The following CCDC171 variants were observed in gnomAD, a reference collection of about 807,000 sequenced individuals.
The protein encoded by CCDC171 is coiled-coil domain-containing protein 171.
In CCDC171, 177 loss-of-function variants were observed where a neutral mutation model predicts 168.2. That is an observed-to-expected ratio of 1.05 (90% CI 0.93 to 1.19). The LOEUF is 1.19. Ranked by LOEUF, CCDC171 falls within the 50% of genes most tolerant of loss-of-function variation. The probability of loss-of-function intolerance (pLI) is 0.00; values close to 1 mark genes in which losing one functional copy is unlikely to be tolerated. For missense variants in CCDC171, 1,991 were observed against 1,539.0 expected (o/e 1.29, Z -4.91); for synonymous variants, 687 against 540.8 (o/e 1.27, Z -3.75).
At chr9:16,027,102 C>T (rs1833289570) in intron 6 of CCDC171, among the ~76,000 whole-genome samples, 1 of 152,182 alleles carries the variant, frequency 6.6e-6, no homozygotes, top group African/African-American at 2.4e-5. Flanking sequence ...GTTGAGTAAA[C>T]AGATGTCCCG....
chr9:15,891,205 G>T (rs1481411052), intron 24 of CCDC171, among the ~76,000 whole-genome samples: 2 of 152,064 alleles, frequency 1.3e-5, no homozygotes, highest in East Asian at 1.9e-4. Flanking sequence ...GAAAGATAAG[G>T]CAGTCAAAAA....
chr9:15,623,506 C>T (rs919797033), intron 7 of CCDC171, 93 bp downstream of exon 7: 27 of 656,262 alleles, frequency 4.1e-5, no homozygotes, highest in South Asian at 1.5e-4. Context: ...CACACACACA[C>T]ATAAAACCCA....
At chr9:15,952,624 C>G (rs1829330159) in intron 25 of CCDC171, among the ~76,000 whole-genome samples, 2 of 151,898 alleles carry the variant, frequency 1.3e-5, no homozygotes, top group Admixed American at 6.6e-5. Context: ...CTTGAACTCC[C>G]AACCTCAGGT....
At chr9:15,898,509 A>G (rs2131598616) in intron 24 of CCDC171, among the ~76,000 whole-genome samples, 1 of 152,304 alleles carries the variant, frequency 6.6e-6, no homozygotes, top group South Asian at 2.1e-4. Flanking sequence ...TATCTGCATA[A>G]GAAGTTATGT....
At chr9:15,918,199 G>A (rs1290714304) in intron 24 of CCDC171, among the ~76,000 whole-genome samples, 2 of 151,458 alleles carry the variant, frequency 1.3e-5, no homozygotes, top group Non-Finnish European at 3.0e-5. Context: ...TACTCCATAT[G>A]GTTACTGTAA....
At chr9:15,676,218 C>T (rs1414187347) in intron 9 of CCDC171, among the ~76,000 whole-genome samples, 1 of 152,156 alleles carries the variant, frequency 6.6e-6, no homozygotes, top group Non-Finnish European at 1.5e-5. Flanking sequence ...TGTTTTTCAG[C>T]TGCATCAGGT....
chr9:15,739,241 A>G (rs769602218), intron 16 of CCDC171, among the ~76,000 whole-genome samples: 2 of 152,204 alleles, frequency 1.3e-5, no homozygotes, highest in East Asian at 1.9e-4. Flanking sequence ...GTTAGGGGAG[A>G]TCGAAGGCAA....
rs576882542 is a variant in CCDC171 at position 15,824,904 on chromosome 9, C to A, written c.3268-21798C>A. Among the ~76,000 whole-genome samples, 6 of 152,134 alleles carry A rather than the reference C, an allele frequency of 3.9e-5. No homozygotes were observed. In the East Asian group the frequency reaches 1.2e-3, roughly 29 times the overall value. On this transcript the variant is annotated intron_variant, in intron 21 of 25. Coordinates refer to ENST00000380701, the MANE Select transcript of CCDC171 (RefSeq NM_173550.4). ...ATCTACATGGCTTTAGATGTCAGGC[C>A]AGTTTGCTGTTAAAATGGTTCCTTT...
chr9:15,591,414 T>C lies in CCDC171; in HGVS notation c.401T>C (p.Phe134Ser). Residue 134 changes from phenylalanine to serine, a missense_variant, in exon 5 of 26, where the codon TTT becomes TCT. Transcript: ENST00000380701. ...AAGACAAATGAGACTGAGAAAGCAT[T>C]TCAGACTTCTCAGCAAAAATGGAAA... ...QAKTNETEKA[F>S]QTSQQKWKEE... 6.2e-7 allele frequency: 1 copy of C among 1,608,866 alleles called. No homozygotes were observed. The highest frequency in any genetic ancestry group is 8.5e-7 in the Non-Finnish European group (1 of 1,178,098).
intron 11 of CCDC171, among the ~76,000 whole-genome samples, chr9:15,716,534 G>T (rs893201932): frequency 1.3e-4 from 19 of 151,990 alleles, no homozygotes; most frequent in Non-Finnish European, 8.8e-5. Flanking sequence ...ATTTGGGTGG[G>T]ATATTGTCTT....
chr9:15,925,199 G>A (rs557399734), intron 25 of CCDC171, among the ~76,000 whole-genome samples: 1 of 151,558 alleles, frequency 6.6e-6, no homozygotes, highest in African/African-American at 2.4e-5. Flanking sequence ...GAACTTGACC[G>A]ATTATGAGTT....
intron 1 of CCDC171, among the ~76,000 whole-genome samples, chr9:15,562,139 C>T (rs145093442): frequency 7.9e-5 from 12 of 152,158 alleles, no homozygotes; most frequent in Non-Finnish European, 1.5e-4. Context: ...GGATTATAGG[C>T]GCCCACCATC....
chr9:15,806,008 G>T (rs7026629), intron 21 of CCDC171, among the ~76,000 whole-genome samples: 4,162 of 151,644 alleles, frequency 0.027, 192 homozygotes, highest in African/African-American at 0.093. Flanking sequence ...TGTCTTTTTT[G>T]ATCTTTGTTA....
At chr9:15,854,562 T>C (rs1394511868) in intron 23 of CCDC171, among the ~76,000 whole-genome samples, 1 of 151,630 alleles carries the variant, frequency 6.6e-6, no homozygotes, top group African/African-American at 2.4e-5. Context: ...CTCCATTGTT[T>C]TTCTGTTCTC....
chr9:15,829,140 A>T (rs1041296682), intron 21 of CCDC171, among the ~76,000 whole-genome samples: 2 of 152,236 alleles, frequency 1.3e-5, no homozygotes, highest in African/African-American at 4.8e-5. Context: ...TTCCTTTTAC[A>T]GATTAGAAAA....
intron 14 of CCDC171, 116 bp from the exon 15 acceptor site, chr9:15,727,753 A>G (rs1182226664): frequency 9.0e-6 from 6 of 663,106 alleles, no homozygotes; most frequent in African/African-American, 1.9e-5. Flanking sequence ...CTGAGACTTG[A>G]GTATTGTAAT....
intron 24 of CCDC171, among the ~76,000 whole-genome samples, chr9:15,914,852 C>G (rs956093109): frequency 6.6e-6 from 1 of 152,142 alleles, no homozygotes; most frequent in East Asian, 1.9e-4. Flanking sequence ...CCGGATAGCA[C>G]CATCCCTCAC....
At chr9:15,909,921 C>G (rs757113273) in intron 24 of CCDC171, among the ~76,000 whole-genome samples, 1 of 151,918 alleles carries the variant, frequency 6.6e-6, no homozygotes, top group Non-Finnish European at 1.5e-5. Flanking sequence ...TTAGTATATC[C>G]ATTATGTGAG....
At chr9:15,705,788 A>G (rs1460257060) in intron 11 of CCDC171, among the ~76,000 whole-genome samples, 6 of 152,188 alleles carry the variant, frequency 3.9e-5, no homozygotes, top group Admixed American at 2.6e-4. Flanking sequence ...TCCTTTAATC[A>G]TTAGTGTATT....
Sources: gnomAD v4.1 joint callset for allele counts (sites outside exome capture counted in the v4.1 genomes callset) on GRCh38, gnomAD v4.1.1 for gene constraint, MANE v1.5 for transcripts, NCBI Gene and HGNC (gene_info 2026-07-23, HGNC 2026-07-21) for gene names.